The following COLGALT2 variants were observed in gnomAD, a reference collection of about 807,000 sequenced individuals.
COLGALT2 encodes the protein collagen beta(1-O)galactosyltransferase 2.
In COLGALT2, 49 loss-of-function variants were observed where a neutral mutation model predicts 73.4. That is an observed-to-expected ratio of 0.67 (90% CI 0.53 to 0.85). COLGALT2 has a LOEUF of 0.85. Ranked by LOEUF, COLGALT2 falls within the 40% of genes least tolerant of loss-of-function variation. COLGALT2 has a pLI of 0.00. For missense variants in COLGALT2, 722 were observed against 790.2 expected, an observed-to-expected ratio of 0.91 and a Z score of 1.03; for synonymous variants, 295 against 307.6, an observed-to-expected ratio of 0.96 and a Z score of 0.43.
At chr1:183,989,875 A>C (rs1671585765) in intron 1 of COLGALT2, among the ~76,000 whole-genome samples, 1 of 152,188 alleles carries the variant, frequency 6.6e-6, no homozygotes, top group South Asian at 2.1e-4. Context: ...TTGAGGAGCC[A>C]ACAGCATGTG....
chr1:183,942,828 A>T (rs968094760), intron 10 of COLGALT2, among the ~76,000 whole-genome samples: 4 of 152,174 alleles, frequency 2.6e-5, no homozygotes, highest in African/African-American at 9.7e-5. Flanking sequence ...TCCTTCTTGC[A>T]TCTGTCGGTA....
chr1:184,015,687 G>A (rs190200851), intron 1 of COLGALT2, among the ~76,000 whole-genome samples: 145 of 152,326 alleles, frequency 9.5e-4, no homozygotes, highest in Non-Finnish European at 9.3e-4. Context: ...ATGTTCTTCT[G>A]TTGAAAGTTA....
At chr1:183,983,487 C>CTAT (rs1180278844) in intron 1 of COLGALT2, among the ~76,000 whole-genome samples, 1 of 152,218 alleles carries the variant, frequency 6.6e-6, no homozygotes, top group African/African-American at 2.4e-5. Flanking sequence ...AGGCCCTGGG[C>CTAT]TATTCAGAGG....
chr1:183,942,042 G>A (rs1407735369), intron 10 of COLGALT2, among the ~76,000 whole-genome samples: 2 of 151,684 alleles, frequency 1.3e-5, no homozygotes, highest in Non-Finnish European at 2.9e-5. Flanking sequence ...TCCGCCTCCT[G>A]GGTTCATGCC....
At chr1:183,975,057 T>G in intron 3 of COLGALT2, 40 bp downstream of exon 3, 1 of 1,426,542 alleles carries the variant, frequency 7.0e-7, no homozygotes, top group South Asian at 1.2e-5. Flanking sequence ...TGGATACACC[T>G]GAGATGACAG....
intron 1 of COLGALT2, among the ~76,000 whole-genome samples, chr1:184,012,702 T>C (rs895874990): frequency 1.3e-5 from 2 of 152,246 alleles, no homozygotes; most frequent in South Asian, 2.1e-4. Context: ...TTTTTCTGGT[T>C]CTTGAGAAAA....
At chr1:183,951,391 A>G (rs1238400014) in intron 7 of COLGALT2, among the ~76,000 whole-genome samples, 1 of 152,220 alleles carries the variant, frequency 6.6e-6, no homozygotes, top group African/African-American at 2.4e-5. Flanking sequence ...GAAATAGGAA[A>G]GTTTAAAAAA....
At chr1:183,974,923 A>C (rs1053711588) in intron 3 of COLGALT2, among the ~76,000 whole-genome samples, 174 bp downstream of exon 3, 2 of 152,234 alleles carry the variant, frequency 1.3e-5, no homozygotes, top group Admixed American at 6.5e-5. Context: ...GATGAAGTCC[A>C]GGTAGCCCAA....
At chr1:183,958,336 C>T (rs1296070775) in intron 6 of COLGALT2, among the ~76,000 whole-genome samples, 1 of 152,138 alleles carries the variant, frequency 6.6e-6, no homozygotes, top group Non-Finnish European at 1.5e-5. Context: ...CCTGGTTAAA[C>T]CCATTGCCCA....
chr1:183,945,662 C>G lies in COLGALT2; in HGVS notation c.1137-98G>C, dbSNP rs181650370. 96 of 1,394,692 alleles carry G rather than the reference C, an allele frequency of 6.9e-5. No individual in the cohort carries two copies. In the African/African-American group the frequency reaches 1.0e-3, roughly 15 times the overall value. The allele number at this position is 1,394,692 out of a possible 1,614,324, so 86.4% of individuals were successfully genotyped here. ...GTTAGTTCTGCAAACACCCCTCCCCCACACAGACAAAGACAGAGAGGCTTC... is the reference window on the plus strand; with the variant it reads ...GTTAGTTCTGCAAACACCCCTCCCCGACACAGACAAAGACAGAGAGGCTTC... On this transcript the variant is annotated intron_variant, in intron 8 of 11. Coordinates refer to ENST00000361927, the MANE Select transcript of COLGALT2 (RefSeq NM_015101.4).
In COLGALT2 at chr1:183,957,788, T is replaced by G. The variant is rs371149873; in HGVS notation, c.953-2950A>C. Among the ~76,000 whole-genome samples the G allele has an allele frequency of 1.3e-4, 19 of 150,690 alleles. No homozygotes were observed. In the East Asian group the frequency reaches 2.7e-3, roughly 21 times the overall value. ...CACTTTTTTGTGGTGGTTTTTTTTT[T>G]TTTTTTTTTTTTACAAATAAAGAAA... On this transcript the variant is annotated intron_variant, in intron 6 of 11. Coordinates refer to ENST00000361927, the MANE Select transcript of COLGALT2 (RefSeq NM_015101.4).
rs535902676 is a variant in COLGALT2, at chr1:184,034,050, C to T, written c.263+3045G>A. Among the ~76,000 whole-genome samples, 7 of 152,284 alleles carry T rather than the reference C, an allele frequency of 4.6e-5. 1 individual carries two copies. The highest frequency in any genetic ancestry group is 3.9e-4 in the East Asian group (2 of 5,186). On this transcript the variant is annotated intron_variant, in intron 1 of 11. Coordinates refer to ENST00000361927, the MANE Select transcript of COLGALT2 (RefSeq NM_015101.4). ...GAATGAGAAACTAGAGGCAAGCAAT[C>T]GGTAGAAGCACCTCAAATCTGTAAC...
intron 1 of COLGALT2, among the ~76,000 whole-genome samples, chr1:184,014,300 G>T (rs1239469472): frequency 6.6e-6 from 1 of 152,128 alleles, no homozygotes; most frequent in East Asian, 1.9e-4. Context: ...AAATTAGGAA[G>T]GTGGAACCAT....
intron 10 of COLGALT2, 75 bp downstream of exon 10, chr1:183,944,121 A>G (rs1572629358): frequency 1.6e-5 from 23 of 1,462,464 alleles, no homozygotes; most frequent in Non-Finnish European, 1.0e-5. Context: ...CTGGCTGTGG[A>G]GGTGGGGCTC....
chr1:183,935,522 C>G (rs1669930050), downstream of COLGALT2, among the ~76,000 whole-genome samples: 1 of 152,212 alleles, frequency 6.6e-6, no homozygotes, highest in Non-Finnish European at 1.5e-5. Flanking sequence ...ATCTCAGTAT[C>G]TTTTGATGAA....
chr1:183,943,810 C>G (rs764828814), intron 10 of COLGALT2, among the ~76,000 whole-genome samples: 3 of 152,166 alleles, frequency 2.0e-5, no homozygotes, highest in Non-Finnish European at 4.4e-5. Flanking sequence ...AAATATGACA[C>G]AGGACTTTAG....
intron 10 of COLGALT2, among the ~76,000 whole-genome samples, chr1:183,941,930 T>C (rs1310675997): frequency 6.6e-6 from 1 of 151,886 alleles, no homozygotes; most frequent in Non-Finnish European, 1.5e-5. Flanking sequence ...AACAAGTTCA[T>C]TGTTTTGGTA....
chr1:183,949,525 T>A (rs1670339202), intron 8 of COLGALT2, among the ~76,000 whole-genome samples: 1 of 152,160 alleles, frequency 6.6e-6, no homozygotes, highest in Admixed American at 6.5e-5. Flanking sequence ...TGGATAACCA[T>A]GTGCAAAAGA....
chr1:183,992,762 A>T (rs1489671930), intron 1 of COLGALT2, among the ~76,000 whole-genome samples: 1 of 152,232 alleles, frequency 6.6e-6, no homozygotes, highest in Non-Finnish European at 1.5e-5. Flanking sequence ...GGACACGGAT[A>T]CTGGGCTCTA....
Sources: gnomAD v4.1 joint callset for allele counts (sites outside exome capture counted in the v4.1 genomes callset) on GRCh38, gnomAD v4.1.1 for gene constraint, MANE v1.5 for transcripts, NCBI Gene and HGNC (gene_info 2026-07-23, HGNC 2026-07-21) for gene names.